PRICKLE1: variants seen among roughly 807,000 people sequenced by gnomAD.
The protein encoded by PRICKLE1 is prickle planar cell polarity protein 1, also known as prickle-like protein 1.
Under a neutral mutation model 70.2 loss-of-function variants are expected in PRICKLE1, and 14 were observed. That is an observed-to-expected ratio of 0.20 (90% CI 0.13 to 0.31). The LOEUF (loss-of-function observed/expected upper bound fraction) is 0.31. Ranked by LOEUF, PRICKLE1 falls within the 10% of genes least tolerant of loss-of-function variation. PRICKLE1 has a pLI of 1.00. For synonymous variants in PRICKLE1, 357 were observed against 379.9 expected (o/e 0.94, Z 0.70); for missense variants, 821 against 1,026.2 (o/e 0.80, Z 2.73).
At chr12:42,463,037 T>G (rs1176961013) in intron 7 of PRICKLE1, among the ~76,000 whole-genome samples, 4 of 152,184 alleles carry the variant, frequency 2.6e-5, no homozygotes, top group African/African-American at 9.7e-5. Context: ...AACATTAAAG[T>G]AGGCCAGGGG....
chr12:42,550,927 G>C (rs1467752679), intron 1 of PRICKLE1, among the ~76,000 whole-genome samples: 15 of 152,192 alleles, frequency 9.9e-5, no homozygotes. Flanking sequence ...CAACTTTTGA[G>C]TGTTTGGTTA....
intron 1 of PRICKLE1, among the ~76,000 whole-genome samples, chr12:42,513,364 C>T (rs1939549455): frequency 6.6e-6 from 1 of 152,152 alleles, no homozygotes; most frequent in Non-Finnish European, 1.5e-5. Context: ...TGATGTAGCT[C>T]CAATACCTGG....
rs1937667324 is a variant in PRICKLE1, at chr12:42,458,681, AGTCC to A, written c.*1124_*1127del. 1 of 152,244 alleles carries A rather than the reference AGTCC, an allele frequency of 6.6e-6. No individual in the cohort carries two copies. Among genetic ancestry groups the A allele is most frequent in the Non-Finnish European group, 1.5e-5 (1 of 68,038 alleles). The allele number at this position is 152,244 out of a possible 1,614,324, so 9.4% of individuals were successfully genotyped here. A position where few individuals can be genotyped will look rare whatever the true frequency, so the allele number is the denominator to read the frequency against. On this transcript the variant is annotated 3_prime_UTR_variant, in exon 8 of 8. Transcript: ENST00000345127. ...CTCTCTTAAAATAACAAATCTACAA[AGTCC>A]TCTGCCACAAAAGCAGATCTTTGTC...
At chr12:42,578,013 G>A (rs1940830288) in intron 1 of PRICKLE1, among the ~76,000 whole-genome samples, 1 of 152,152 alleles carries the variant, frequency 6.6e-6, no homozygotes. Context: ...ACCTTGGTCA[G>A]ACCTGCACAT....
rs1310300039 is a variant in PRICKLE1, at chr12:42,457,766, ATAGGT to A, written c.*2038_*2042del. The A allele has an allele frequency of 3.3e-5, 5 of 152,250 alleles. No homozygotes were observed. The highest frequency in any genetic ancestry group is 1.3e-4 in the Admixed American group (2 of 15,286). The allele number at this position is 152,250 out of a possible 1,614,324, so 9.4% of individuals were successfully genotyped here. A position where few individuals can be genotyped will look rare whatever the true frequency, so the allele number is the denominator to read the frequency against. ...GGGAAAAAAGCATGTCACAGCACAT[ATAGGT>A]CACTACCACTTTTAAAAGACACATT... On this transcript the variant is annotated 3_prime_UTR_variant, in exon 8 of 8. Transcript: ENST00000345127.
At chr12:42,503,905 G>A (rs1197289761) in intron 1 of PRICKLE1, among the ~76,000 whole-genome samples, 6 of 152,102 alleles carry the variant, frequency 3.9e-5, no homozygotes, top group Non-Finnish European at 2.9e-5. Context: ...CAAAAAGCGG[G>A]TTCTGGTTAT....
At chr12:42,546,446 C>G (rs1940214504) in intron 1 of PRICKLE1, among the ~76,000 whole-genome samples, 1 of 152,166 alleles carries the variant, frequency 6.6e-6, no homozygotes, top group Non-Finnish European at 1.5e-5. Context: ...ATATTTGAGG[C>G]AAACTGAGTA....
chr12:42,505,220 C>T (rs531246893), intron 1 of PRICKLE1, among the ~76,000 whole-genome samples: 1 of 152,268 alleles, frequency 6.6e-6, no homozygotes, highest in Admixed American at 6.5e-5. Flanking sequence ...GCAAAGGGTC[C>T]ACCCCTTGGC....
intron 1 of PRICKLE1, among the ~76,000 whole-genome samples, chr12:42,521,878 T>C (rs867174150): frequency 5.9e-5 from 9 of 152,140 alleles, no homozygotes; most frequent in South Asian, 2.1e-4. Context: ...TTAATTTGCT[T>C]TTGGTTTTAG....
intron 1 of PRICKLE1, chr12:42,489,781 A>G (rs905631943): frequency 1.3e-5 from 2 of 151,554 alleles, no homozygotes; most frequent in Non-Finnish European, 2.9e-5. Flanking sequence ...TCAAGAGTGG[A>G]CTCTCTGCTG....
chr12:42,482,743 A>C (rs1260942480), intron 1 of PRICKLE1: 1 of 152,302 alleles, frequency 6.6e-6, no homozygotes, highest in African/African-American at 2.4e-5. Flanking sequence ...AGCTTTTAAA[A>C]ATGGGGCTGG....
chr12:42,475,926 C>T (rs1465420586), intron 1 of PRICKLE1, among the ~76,000 whole-genome samples: 3 of 151,132 alleles, frequency 2.0e-5, no homozygotes, highest in African/African-American at 4.9e-5. Flanking sequence ...CTAGTGAAAC[C>T]CCAAATCTAC....
intron 1 of PRICKLE1, among the ~76,000 whole-genome samples, chr12:42,588,788 C>CGAG (rs932200148): frequency 2.6e-5 from 4 of 151,962 alleles, no homozygotes; most frequent in Non-Finnish European, 5.9e-5. Flanking sequence ...CTGGCGATGC[C>CGAG]GTTTGTTTTT....
chr12:42,504,273 A>G (rs1018018302), intron 1 of PRICKLE1, among the ~76,000 whole-genome samples: 2 of 152,202 alleles, frequency 1.3e-5, no homozygotes, highest in African/African-American at 4.8e-5. Flanking sequence ...TGCCAAGAAA[A>G]GAAACTTCTT....
At chr12:42,547,735 A>G (rs1373284570) in intron 1 of PRICKLE1, among the ~76,000 whole-genome samples, 1 of 152,244 alleles carries the variant, frequency 6.6e-6, no homozygotes, top group East Asian at 1.9e-4. Context: ...ACAATGTTAT[A>G]TACATAATAA....
chr12:42,589,529 C>T lies in PRICKLE1; in HGVS notation c.-113G>A. 1 of 154,816 alleles carries T rather than the reference C, an allele frequency of 6.5e-6. No individual in the cohort carries two copies. Among genetic ancestry groups the T allele is most frequent in the Non-Finnish European group, 1.4e-5 (1 of 69,682 alleles). The allele number at this position is 154,816 out of a possible 1,614,324, so 9.6% of individuals were successfully genotyped here. A position where few individuals can be genotyped will look rare whatever the true frequency, so the allele number is the denominator to read the frequency against. ...GCGCCGCTGCGGGGCTGCTGGGCTGCGGGGCTGCGGGGCTGAGGAGCTGCG... is the reference window on the plus strand; with the variant it reads ...GCGCCGCTGCGGGGCTGCTGGGCTGTGGGGCTGCGGGGCTGAGGAGCTGCG... On this transcript the variant is annotated 5_prime_UTR_variant, in exon 1 of 8. Transcript: ENST00000345127. This position sits in a 1 kb window ranked among gnomAD's most constrained non-coding sequence, Gnocchi z 5.0.
At chr12:42,558,862 T>A (rs970977220) in intron 1 of PRICKLE1, among the ~76,000 whole-genome samples, 12 of 152,228 alleles carry the variant, frequency 7.9e-5, no homozygotes, top group African/African-American at 2.9e-4. Flanking sequence ...ATGGAATTAG[T>A]TAATTTTTCT....
At chr12:42,541,381 C>T (rs941074871) in intron 1 of PRICKLE1, among the ~76,000 whole-genome samples, 23 of 151,858 alleles carry the variant, frequency 1.5e-4, no homozygotes, top group African/African-American at 5.3e-4. Flanking sequence ...TGCTCTGTTG[C>T]CCAGGCTGGA....
At chr12:42,516,477 G>A (rs956216607) in intron 1 of PRICKLE1, among the ~76,000 whole-genome samples, 1 of 152,026 alleles carries the variant, frequency 6.6e-6, no homozygotes, top group Admixed American at 6.6e-5. Context: ...TGTCCATGAA[G>A]GTTCCTTTTT....
Sources: allele counts gnomAD v4.1 joint callset (sites outside exome capture counted in the v4.1 genomes callset), GRCh38; gene constraint gnomAD v4.1.1; non-coding constraint Gnocchi (gnomAD v3.1); transcripts MANE v1.5; gene names NCBI Gene and HGNC (gene_info 2026-07-23, HGNC 2026-07-21).